HECW2: variants seen among roughly 807,000 people sequenced by gnomAD.
The protein encoded by HECW2 is E3 ubiquitin-protein ligase HECW2.
HECW2 carries 61 observed loss-of-function variants against 175.2 expected under a neutral mutation model. That is an observed-to-expected ratio of 0.35 (90% CI 0.28 to 0.43). The LOEUF is 0.43. Ranked by LOEUF, HECW2 falls within the 20% of genes least tolerant of loss-of-function variation. The pLI is 1.00. For missense variants in HECW2, 1,524 were observed against 2,000.5 expected (o/e 0.76, Z 4.54); for synonymous variants, 671 against 731.0 (o/e 0.92, Z 1.32).
chr2:196,406,273 C>T (rs1694963867), intron 2 of HECW2, among the ~76,000 whole-genome samples: 1 of 152,146 alleles, frequency 6.6e-6, no homozygotes, highest in African/African-American at 2.4e-5. Context: ...TCCTCATTCC[C>T]CATAATTACT....
At chr2:196,330,885 C>T (rs1161268732) in intron 4 of HECW2, among the ~76,000 whole-genome samples, 2 of 152,034 alleles carry the variant, frequency 1.3e-5, no homozygotes, top group South Asian at 2.1e-4. Flanking sequence ...TGCAATAGTT[C>T]GTGATTTGAA....
rs181119615 is a variant in HECW2 at position 196,247,944 on chromosome 2, A to G, written c.3530-5740T>C. ...CTCTTTCCTGGTTCACTTTCAAAAAATCCCTATGACATTTAAAACAAATGC... is the reference window on the plus strand; with the variant it reads ...CTCTTTCCTGGTTCACTTTCAAAAAGTCCCTATGACATTTAAAACAAATGC... On this transcript the variant is annotated intron_variant, in intron 19 of 28. Transcript: ENST00000644978. Among the ~76,000 whole-genome samples the G allele has an allele frequency of 8.3e-4, 126 of 152,326 alleles. 1 individual carries two copies. Among genetic ancestry groups the G allele is most frequent in the Middle Eastern group, 3.4e-3 (1 of 294 alleles).
At chr2:196,309,719 G>C (rs1691412195) in intron 10 of HECW2, among the ~76,000 whole-genome samples, 1 of 152,108 alleles carries the variant, frequency 6.6e-6, no homozygotes, top group Non-Finnish European at 1.5e-5. Flanking sequence ...TCCAAAGAAT[G>C]TTTACAGTAG....
At chr2:196,443,956 G>C (rs1039419134) in intron 1 of HECW2, among the ~76,000 whole-genome samples, 1 of 152,184 alleles carries the variant, frequency 6.6e-6, no homozygotes, top group African/African-American at 2.4e-5. Flanking sequence ...GATCGCTTGA[G>C]CCTGAGAGGT....
intron 2 of HECW2, among the ~76,000 whole-genome samples, chr2:196,404,801 T>G (rs1189176265): frequency 1.4e-5 from 2 of 144,634 alleles, no homozygotes; most frequent in Non-Finnish European, 3.0e-5. Flanking sequence ...ATATTTCTTT[T>G]TTTTTCTTTT....
At chr2:196,544,467 A>C (rs1226120030) in intron 1 of HECW2, among the ~76,000 whole-genome samples, 7 of 151,738 alleles carry the variant, frequency 4.6e-5, no homozygotes, top group African/African-American at 1.5e-4. Flanking sequence ...TACACCTGTG[A>C]CTCCCCAACT....
intron 1 of HECW2, among the ~76,000 whole-genome samples, chr2:196,474,028 T>C (rs1286542823): frequency 6.6e-6 from 1 of 152,228 alleles, no homozygotes; most frequent in African/African-American, 2.4e-5. Context: ...ACAAACCTTT[T>C]AGATTAGAGT....
intron 28 of HECW2, among the ~76,000 whole-genome samples, chr2:196,207,651 T>C (rs1687118873): frequency 6.6e-6 from 1 of 152,224 alleles, no homozygotes; most frequent in African/African-American, 2.4e-5. Context: ...TGGTTATCTG[T>C]TCATGTAAAT....
chr2:196,334,457 G>T lies in HECW2; in HGVS notation c.462C>A (p.Thr154=), dbSNP rs768050752. ...CTGGGTTCTTCACGGTGATGCAGGGGGTCGTGGCTCGCAGGGCTCCACTAA... is the reference window on the plus strand; with the variant it reads ...CTGGGTTCTTCACGGTGATGCAGGGTGTCGTGGCTCGCAGGGCTCCACTAA... ...HGISGALRAT[T]PCITVKNPAV... is the part of the protein sequence containing the mutation. Residue 154 remains threonine (T), a synonymous_variant, in exon 4 of 29, where the codon ACC becomes ACA. Transcript: ENST00000644978. 6 of 1,610,546 alleles carry T rather than the reference G, an allele frequency of 3.7e-6. No homozygotes were observed. Among genetic ancestry groups the T allele is most frequent in the Non-Finnish European group, 4.2e-6 (5 of 1,178,602 alleles).
intron 1 of HECW2, among the ~76,000 whole-genome samples, chr2:196,484,189 T>A (rs1686930086): frequency 6.6e-6 from 1 of 152,198 alleles, no homozygotes; most frequent in African/African-American, 2.4e-5. Context: ...CATGAAGAAG[T>A]GCTTAGTATA....
chr2:196,505,497 G>A (rs993978091), intron 1 of HECW2, among the ~76,000 whole-genome samples: 2 of 151,914 alleles, frequency 1.3e-5, no homozygotes, highest in African/African-American at 4.8e-5. Flanking sequence ...CCAAGATTGT[G>A]CCACTGCACT....
chr2:196,426,428 T>C (rs1188234520), intron 2 of HECW2, among the ~76,000 whole-genome samples: 1 of 152,194 alleles, frequency 6.6e-6, no homozygotes, highest in African/African-American at 2.4e-5. Flanking sequence ...GTCTTTTTGA[T>C]AACAGCCATT....
At chr2:196,522,124 C>T (rs1688421975) in intron 1 of HECW2, among the ~76,000 whole-genome samples, 1 of 152,150 alleles carries the variant, frequency 6.6e-6, no homozygotes, top group Non-Finnish European at 1.5e-5. Flanking sequence ...TCCTATTTCT[C>T]CACATCCTCT....
chr2:196,253,056 T>A (rs954050741), intron 19 of HECW2, among the ~76,000 whole-genome samples: 1 of 152,236 alleles, frequency 6.6e-6, no homozygotes, highest in Non-Finnish European at 1.5e-5. Flanking sequence ...AGTTGGATGC[T>A]CCATAAATCT....
chr2:196,262,977 T>G (rs1689363981), intron 17 of HECW2: 1 of 151,934 alleles, frequency 6.6e-6, no homozygotes, highest in Non-Finnish European at 1.5e-5. Flanking sequence ...CGTATGTGGC[T>G]CCTAACAATT....
intron 1 of HECW2, among the ~76,000 whole-genome samples, chr2:196,544,240 G>A (rs1034198623): frequency 2.6e-5 from 4 of 152,162 alleles, no homozygotes; most frequent in African/African-American, 4.8e-5. Context: ...CTGTGGGATG[G>A]CAGGCCTCCA....
At chr2:196,248,627 C>CAGAG (rs1229374411) in intron 19 of HECW2, among the ~76,000 whole-genome samples, 5,445 of 148,574 alleles carry the variant, frequency 0.037, 352 homozygotes, top group African/African-American at 0.13. Context: ...CACACACACA[C>CAGAG]ACACAGAGAG....
At chr2:196,325,434 G>A (rs1254451901) in intron 5 of HECW2, among the ~76,000 whole-genome samples, 13 of 152,134 alleles carry the variant, frequency 8.5e-5, no homozygotes, top group East Asian at 1.9e-4. Context: ...CTAACAGGCC[G>A]CAAAAGTGAA....
At chr2:196,283,010 C>G (rs1228782106) in intron 14 of HECW2, among the ~76,000 whole-genome samples, 1 of 151,972 alleles carries the variant, frequency 6.6e-6, no homozygotes, top group Non-Finnish European at 1.5e-5. Flanking sequence ...CCTGTAATCC[C>G]AGCACTTTGG....
Sources: gnomAD v4.1 joint callset for allele counts (sites outside exome capture counted in the v4.1 genomes callset) on GRCh38, gnomAD v4.1.1 for gene constraint, MANE v1.5 for transcripts, NCBI Gene and HGNC (gene_info 2026-07-23, HGNC 2026-07-21) for gene names.